Variants in SNX14 observed in about 807,000 individuals in gnomAD.
The protein encoded by SNX14 is sorting nexin-14.
In SNX14, 93 loss-of-function variants were observed where a neutral mutation model predicts 133.8. That is an observed-to-expected ratio of 0.70 (90% CI 0.59 to 0.83). The LOEUF is 0.83. Ranked by LOEUF, SNX14 falls within the 40% of genes least tolerant of loss-of-function variation. The pLI is 0.00. For synonymous variants in SNX14, 368 were observed against 365.6 expected (o/e 1.01, Z -0.07); for missense variants, 945 against 1,094.9 (o/e 0.86, Z 1.93).
At chr6:85,516,480 A>G (rs1775032980) in intron 23 of SNX14, among the ~76,000 whole-genome samples, 1 of 152,136 alleles carries the variant, frequency 6.6e-6, no homozygotes, top group African/African-American at 2.4e-5. Context: ...GGCCTAGATG[A>G]CTTTACCAAC....
intron 16 of SNX14, among the ~76,000 whole-genome samples, chr6:85,537,985 C>T (rs751239221): frequency 6.6e-6 from 1 of 152,156 alleles, no homozygotes; most frequent in East Asian, 1.9e-4. Context: ...CTCTTACAAC[C>T]GATATCCAAA....
At chr6:85,592,938 C>T (rs902499206) in intron 1 of SNX14, among the ~76,000 whole-genome samples, 3 of 152,142 alleles carry the variant, frequency 2.0e-5, no homozygotes, top group African/African-American at 7.2e-5. Flanking sequence ...GGCGTGAACC[C>T]GGGAGGAGGA....
At chr6:85,518,391 G>A (rs6909767) in intron 21 of SNX14, among the ~76,000 whole-genome samples, 89,952 of 151,908 alleles carry the variant, frequency 0.59, 26,951 homozygotes, top group Admixed American at 0.68. Flanking sequence ...TTTTCAAAGG[G>A]TTTTCAGTAA....
intron 1 of SNX14, among the ~76,000 whole-genome samples, chr6:85,591,648 C>T (rs1239829454): frequency 6.6e-6 from 1 of 152,124 alleles, no homozygotes; most frequent in African/African-American, 2.4e-5. Flanking sequence ...TACTAGATGG[C>T]TCTCCTACCT....
At chr6:85,527,770 A>G (rs745880185) in intron 20 of SNX14, among the ~76,000 whole-genome samples, 3 of 152,140 alleles carry the variant, frequency 2.0e-5, no homozygotes, top group African/African-American at 4.8e-5. Flanking sequence ...AACTCCACGT[A>G]GCAAATAGTA....
intron 23 of SNX14, among the ~76,000 whole-genome samples, 157 bp from the exon 24 acceptor site, chr6:85,514,786 T>C (rs1774224190): frequency 2.0e-5 from 3 of 152,124 alleles, no homozygotes; most frequent in Admixed American, 2.0e-4. Flanking sequence ...AAATTCCCCA[T>C]TTATGCCCCG....
At chr6:85,515,069 G>A (rs1407651069) in intron 23 of SNX14, among the ~76,000 whole-genome samples, 3 of 151,742 alleles carry the variant, frequency 2.0e-5, no homozygotes, top group South Asian at 2.1e-4. Flanking sequence ...GTTTGAAATC[G>A]GCTTGTCCAA....
At chr6:85,563,588 T>G (rs949018217) in intron 6 of SNX14, among the ~76,000 whole-genome samples, 3 of 152,112 alleles carry the variant, frequency 2.0e-5, no homozygotes, top group Non-Finnish European at 4.4e-5. Context: ...AGACAGAGTT[T>G]CACCATGTTG....
intron 26 of SNX14, among the ~76,000 whole-genome samples, chr6:85,509,336 T>TTA (rs1554206668): frequency 6.6e-6 from 1 of 151,572 alleles, no homozygotes; most frequent in African/African-American, 2.4e-5. Flanking sequence ...AGAAAACAGG[T>TTA]AAAAAAAAAT....
intron 7 of SNX14, among the ~76,000 whole-genome samples, chr6:85,553,264 G>A (rs1234619931): frequency 1.3e-5 from 2 of 152,190 alleles, no homozygotes; most frequent in Non-Finnish European, 2.9e-5. Flanking sequence ...TGGGTTTAAA[G>A]CGGGATTAGC....
At chr6:85,578,024 A>C (rs1456636452) in intron 1 of SNX14, among the ~76,000 whole-genome samples, 3 of 152,188 alleles carry the variant, frequency 2.0e-5, no homozygotes, top group Non-Finnish European at 4.4e-5. Flanking sequence ...ATAAAAGGAG[A>C]GCTAACACAG....
At chr6:85,588,450 G>A (rs1029968069) in intron 1 of SNX14, among the ~76,000 whole-genome samples, 10 of 151,734 alleles carry the variant, frequency 6.6e-5, no homozygotes, top group Non-Finnish European at 1.2e-4. Flanking sequence ...GGTGGCGGGC[G>A]CCTGTAGTCC....
At chr6:85,587,707 C>T (rs984658937) in intron 1 of SNX14, among the ~76,000 whole-genome samples, 1 of 152,204 alleles carries the variant, frequency 6.6e-6, no homozygotes. Flanking sequence ...AGTGATCCTC[C>T]CACCTTGGCC....
chr6:85,562,010 C>T (rs914314534), intron 6 of SNX14, among the ~76,000 whole-genome samples: 10 of 152,136 alleles, frequency 6.6e-5, no homozygotes, highest in Non-Finnish European at 1.3e-4. Context: ...ACTCTCCACC[C>T]TCAAGTAGGT....
chr6:85,574,522 TG>T (rs1426667250), intron 1 of SNX14, 144 bp from the exon 2 acceptor site: 1 of 546,136 alleles, frequency 1.8e-6, no homozygotes, highest in African/African-American at 1.9e-5. Flanking sequence ...TTTTTTGTAA[TG>T]TATTAAATAC....
intron 26 of SNX14, among the ~76,000 whole-genome samples, chr6:85,513,009 T>C (rs1773493378): frequency 6.6e-6 from 1 of 152,220 alleles, no homozygotes; most frequent in Admixed American, 6.5e-5. Context: ...TATGCTTTAG[T>C]ATCTACTCAC....
At chr6:85,549,623 G>C in intron 8 of SNX14, 100 bp downstream of exon 8, 1 of 971,514 alleles carries the variant, frequency 1.0e-6, no homozygotes, top group Non-Finnish European at 1.4e-6. Context: ...CTATTCATAG[G>C]CTAACCTCAA....
At chr6:85,508,630 T>A (rs1233915135) in intron 26 of SNX14, among the ~76,000 whole-genome samples, 1 of 152,086 alleles carries the variant, frequency 6.6e-6, no homozygotes, top group Non-Finnish European at 1.5e-5. Flanking sequence ...TTCTGGACTT[T>A]TGCATAAGTT....
chr6:85,549,587 C>A, intron 8 of SNX14, 136 bp downstream of exon 8: 1 of 482,240 alleles, frequency 2.1e-6, no homozygotes, highest in Non-Finnish European at 3.2e-6. Context: ...ATATTAATAA[C>A]TTAATAAATT....
Sources: gnomAD v4.1 joint callset for allele counts (sites outside exome capture counted in the v4.1 genomes callset) on GRCh38, gnomAD v4.1.1 for gene constraint, MANE v1.5 for transcripts, NCBI Gene and HGNC (gene_info 2026-07-23, HGNC 2026-07-21) for gene names.